Variants in NEBL observed in about 807,000 individuals in gnomAD.
NEBL encodes the protein LIM and SH3 protein 2.
In NEBL, 122 loss-of-function variants were observed where a neutral mutation model predicts 140.2. The observed-to-expected ratio is 0.87, with a 90% CI of 0.75 to 1.01. The LOEUF (loss-of-function observed/expected upper bound fraction) is 1.01, where lower values mean the gene tolerates loss of function less well. NEBL is among the 50% of genes least tolerant of loss of function. The probability of loss-of-function intolerance (pLI) is 0.00; values close to 1 mark genes in which losing one functional copy is unlikely to be tolerated. For missense variants in NEBL, 1,365 were observed against 1,231.3 expected, an observed-to-expected ratio of 1.11 and a Z score of -1.62; for synonymous variants, 436 against 398.9, an observed-to-expected ratio of 1.09 and a Z score of -1.11.
chr10:20,916,859 C>T (rs1453116951), intron 4 of NEBL, among the ~76,000 whole-genome samples: 3 of 152,122 alleles, frequency 2.0e-5, no homozygotes, highest in South Asian at 2.1e-4. Context: ...AAAGAATATA[C>T]AAGTCCTGCA....
chr10:21,107,337 G>A (rs901700419), intron 2 of NEBL, among the ~76,000 whole-genome samples: 7 of 152,124 alleles, frequency 4.6e-5, no homozygotes, highest in African/African-American at 1.4e-4. Flanking sequence ...TTTGAGATAC[G>A]TTCCATCAAT....
At chr10:21,029,311 T>C (rs903612643) in intron 2 of NEBL, 10 of 1,610,348 alleles carry the variant, frequency 6.2e-6, no homozygotes, top group Non-Finnish European at 8.5e-6. Flanking sequence ...GAACCTATCC[T>C]ATGATGTGAC....
intron 4 of NEBL, among the ~76,000 whole-genome samples, chr10:20,915,346 C>T (rs1304239016): frequency 1.3e-5 from 2 of 150,946 alleles, no homozygotes; most frequent in Non-Finnish European, 3.0e-5. Flanking sequence ...TGCTGGTGCG[C>T]TGCACCCACT....
intron 3 of NEBL, among the ~76,000 whole-genome samples, chr10:20,998,509 T>C (rs1216744700): frequency 2.0e-5 from 3 of 152,056 alleles, no homozygotes; most frequent in Non-Finnish European, 2.9e-5. Context: ...CTCTCAACAA[T>C]AGGCATTTAG....
chr10:21,183,896 C>T (rs533130522), intron 3 of NEBL, among the ~76,000 whole-genome samples: 5 of 152,250 alleles, frequency 3.3e-5, no homozygotes, highest in South Asian at 2.1e-4. Context: ...ATAAGTCTCA[C>T]GAGATCTGAT....
At position 20,809,899 on chromosome 10, in the gene NEBL, CT is replaced by C. The variant is rs754453916; in HGVS notation, c.2519-2del. ...GGATCTGTGCGCCAAACTTTGAGGT[CT>C]TTTGCCAAAAGGAAGAAATCAACAC... On this transcript the variant is annotated splice_acceptor_variant, in intron 24 of 27. Transcript: ENST00000377122. LOFTEE classifies it high-confidence loss of function. The C allele has an allele frequency of 5.0e-4, 735 of 1,478,294 alleles. No individual in the cohort carries two copies. The highest frequency in any genetic ancestry group is 6.4e-4 in the Non-Finnish European group (694 of 1,089,588). 91.6% of individuals were successfully genotyped at this position (1,478,294 alleles called of 1,614,324 possible).
intron 3 of NEBL, among the ~76,000 whole-genome samples, chr10:20,969,222 A>G (rs1836458723): frequency 6.6e-6 from 1 of 152,196 alleles, no homozygotes; most frequent in Non-Finnish European, 1.5e-5. Flanking sequence ...GAATGAGCTC[A>G]AAAGTAAATT....
intron 10 of NEBL, among the ~76,000 whole-genome samples, chr10:20,852,284 C>T (rs983949674): frequency 6.6e-6 from 1 of 152,100 alleles, no homozygotes; most frequent in Non-Finnish European, 1.5e-5. Context: ...TAATTCCTAT[C>T]TTGTAACTTT....
chr10:21,114,364 G>C (rs966824429), intron 2 of NEBL, among the ~76,000 whole-genome samples: 1 of 152,060 alleles, frequency 6.6e-6, no homozygotes, highest in Non-Finnish European at 1.5e-5. Context: ...CTTGGTAAAT[G>C]TTCTGTGTGC....
chr10:20,867,461 T>G (rs988568237), intron 7 of NEBL, among the ~76,000 whole-genome samples: 5 of 152,170 alleles, frequency 3.3e-5, no homozygotes, highest in African/African-American at 1.2e-4. Flanking sequence ...TGTGTAAAAC[T>G]TACTGTTTGT....
At chr10:21,146,300 C>A (rs1385818745) in intron 2 of NEBL, 2 of 1,533,882 alleles carry the variant, frequency 1.3e-6, no homozygotes. Flanking sequence ...CCTGTCTCAG[C>A]ACACCCATGC....
chr10:21,233,695 G>C (rs1399072829), intron 3 of NEBL, among the ~76,000 whole-genome samples: 1 of 140,866 alleles, frequency 7.1e-6, no homozygotes, highest in East Asian at 2.0e-4. Flanking sequence ...TAGATATAGA[G>C]ACATATTTAT....
At chr10:21,234,193 T>C (rs904563505) in intron 3 of NEBL, among the ~76,000 whole-genome samples, 3 of 152,014 alleles carry the variant, frequency 2.0e-5, no homozygotes, top group Admixed American at 6.6e-5. Flanking sequence ...GGATTTGGAT[T>C]CAGAGACGCT....
At chr10:21,275,640 T>A (rs1047311018) in intron 1 of NEBL, among the ~76,000 whole-genome samples, 6 of 147,916 alleles carry the variant, frequency 4.1e-5, no homozygotes, top group African/African-American at 1.5e-4. Context: ...TTACCAGCTT[T>A]TTTTTTTTTT....
At chr10:21,229,174 A>C (rs1842211036) in intron 3 of NEBL, among the ~76,000 whole-genome samples, 1 of 152,198 alleles carries the variant, frequency 6.6e-6, no homozygotes, top group African/African-American at 2.4e-5. Context: ...TAATCCCAGC[A>C]CTTTGGGAGG....
At chr10:21,059,399 C>A (rs1053007305) in intron 2 of NEBL, among the ~76,000 whole-genome samples, 1 of 152,192 alleles carries the variant, frequency 6.6e-6, no homozygotes, top group East Asian at 1.9e-4. Flanking sequence ...TACTAAAGGG[C>A]AAGTCTCATT....
At chr10:21,004,101 T>C (rs1385871289) in intron 3 of NEBL, among the ~76,000 whole-genome samples, 1 of 152,196 alleles carries the variant, frequency 6.6e-6, no homozygotes, top group Non-Finnish European at 1.5e-5. Flanking sequence ...ATTAAAGACA[T>C]TTGAATTTGA....
At chr10:20,804,845 A>G (rs1285128715) in intron 26 of NEBL, among the ~76,000 whole-genome samples, 1 of 152,204 alleles carries the variant, frequency 6.6e-6, no homozygotes, top group Non-Finnish European at 1.5e-5. Context: ...ATAAAATGAT[A>G]GAAGAGTGAC....
chr10:21,122,066 C>A (rs1751183382), intron 2 of NEBL, among the ~76,000 whole-genome samples: 1 of 151,848 alleles, frequency 6.6e-6, no homozygotes, highest in African/African-American at 2.4e-5. Context: ...CTTTCTATCA[C>A]CCAGACTGGA....
Sources: allele counts gnomAD v4.1 joint callset (sites outside exome capture counted in the v4.1 genomes callset), GRCh38; gene constraint gnomAD v4.1.1; transcripts MANE v1.5; gene names NCBI Gene and HGNC (gene_info 2026-07-23, HGNC 2026-07-21).